FSCN1: variants seen among roughly 807,000 people sequenced by gnomAD.
FSCN1 encodes the protein fascin actin-bundling protein 1, also known as fascin.
A neutral mutation model predicts 39.7 loss-of-function variants in FSCN1; 10 were observed. That is an observed-to-expected ratio of 0.25 (90% CI 0.16 to 0.43). The LOEUF is 0.43. FSCN1 is among the 20% of genes least tolerant of loss of function. The pLI is 1.00. For missense variants in FSCN1, 525 were observed against 723.8 expected (o/e 0.73, Z 3.15); for synonymous variants, 322 against 320.0 (o/e 1.01, Z -0.07).
At chr7:5,595,071 G>C (rs1339546879) in intron 1 of FSCN1, among the ~76,000 whole-genome samples, 4 of 152,202 alleles carry the variant, frequency 2.6e-5, no homozygotes. Flanking sequence ...TTTTTCCCTG[G>C]ATAGGAAGTC....
chr7:5,593,871 G>T (rs1785678760), intron 1 of FSCN1, 103 bp downstream of exon 1: 2 of 829,330 alleles, frequency 2.4e-6, no homozygotes, highest in Admixed American at 2.9e-5. Flanking sequence ...GCGCCGCTGC[G>T]GTCCGGAGCA....
In FSCN1 at chr7:5,599,641, C is replaced by T. The variant is rs998896592; in HGVS notation, c.833-3616C>T. On this transcript the variant is annotated intron_variant, in intron 1 of 4. Coordinates refer to ENST00000382361, the MANE Select transcript of FSCN1 (RefSeq NM_003088.4). The surrounding 1 kb of genome is among the most constrained non-coding windows in gnomAD (Gnocchi z 5.6). Reference sequence around the variant, plus strand: ...CATAGCGAGACCACCCCCATCTCTACAAAATAATGTTAAAGTTAGCCAGGT... The same window carrying T: ...CATAGCGAGACCACCCCCATCTCTATAAAATAATGTTAAAGTTAGCCAGGT... Among the ~76,000 whole-genome samples the T allele has an allele frequency of 6.6e-6, 1 of 151,982 alleles. No individual in the cohort carries two copies. Among genetic ancestry groups the T allele is most frequent in the Non-Finnish European group, 1.5e-5 (1 of 68,000 alleles).
At chr7:5,594,023 C>T in intron 1 of FSCN1, 1 of 513,828 alleles carries the variant, frequency 1.9e-6, no homozygotes, top group South Asian at 2.5e-5. Flanking sequence ...CGCGGAGTCG[C>T]AACCGTACGT....
rs1488962562 is a variant in FSCN1, at chr7:5,593,483, G to T, written c.547G>T (p.Asp183Tyr). 1 of 1,611,276 alleles carries T rather than the reference G, an allele frequency of 6.2e-7. No homozygotes were observed. The highest frequency in any genetic ancestry group is 1.7e-5 in the Admixed American group (1 of 59,970). The change falls in exon 1 of 5, where the codon GAC becomes TAC. Residue 183 changes from aspartate to tyrosine, a missense_variant. Transcript: ENST00000382361. Reference protein sequence around the residue: ...VDSLITLAFQDQRYSVQTADH... With the variant: ...VDSLITLAFQYQRYSVQTADH... Reference sequence around the variant, plus strand: ...CTCGCTCATCACCCTCGCCTTCCAGGACCAGCGCTACAGCGTGCAGACCGC... The same window carrying T: ...CTCGCTCATCACCCTCGCCTTCCAGTACCAGCGCTACAGCGTGCAGACCGC...
chr7:5,605,227 G>A lies in FSCN1; in HGVS notation c.1280-45G>A. ...ACCCTCCGCTGCCCAGGGTAGGGGTGGGGAGCCAGGCTTTGGGCCCCACTT... is the reference window on the plus strand; with the variant it reads ...ACCCTCCGCTGCCCAGGGTAGGGGTAGGGAGCCAGGCTTTGGGCCCCACTT... On this transcript the variant is annotated intron_variant, in intron 4 of 4. Coordinates refer to ENST00000382361, the MANE Select transcript of FSCN1 (RefSeq NM_003088.4). The surrounding 1 kb of genome is among the most constrained non-coding windows in gnomAD (Gnocchi z 6.9). 3.4e-6 allele frequency: 5 copies of A among 1,464,984 alleles called. No homozygotes were observed. The highest frequency in any genetic ancestry group is 4.8e-6 in the Non-Finnish European group (5 of 1,048,166). The allele number at this position is 1,464,984 out of a possible 1,614,324, so 90.7% of individuals were successfully genotyped here.
intron 4 of FSCN1, among the ~76,000 whole-genome samples, chr7:5,604,285 G>A (rs1785891314): frequency 6.6e-6 from 1 of 151,608 alleles, no homozygotes; most frequent in African/African-American, 2.4e-5. Context: ...AGAGCAGGGA[G>A]GGGAAGGAGA....
At chr7:5,601,197 C>CTTTTTTTT (rs534109521) in intron 1 of FSCN1, among the ~76,000 whole-genome samples, 7 of 115,552 alleles carry the variant, frequency 6.1e-5, no homozygotes, top group South Asian at 2.7e-4. Context: ...TTCTTTCTTC[C>CTTTTTTTT]TTTTTTTTTT....
rs1250452728 is a variant in FSCN1 at position 5,603,056 on chromosome 7, C to T, written c.833-201C>T. ...GAAAGTCATGTGGGAACAGATGTAGCTTGCCTTGGCCTCTGACCGGCCCTG... is the reference window on the plus strand; with the variant it reads ...GAAAGTCATGTGGGAACAGATGTAGTTTGCCTTGGCCTCTGACCGGCCCTG... On this transcript the variant is annotated intron_variant, in intron 1 of 4. Transcript: ENST00000382361. The surrounding 1 kb of genome is among the most constrained non-coding windows in gnomAD (Gnocchi z 8.5). 3.3e-6 allele frequency: 2 copies of T among 607,274 alleles called. No homozygotes were observed. Among genetic ancestry groups the T allele is most frequent in the African/African-American group, 3.7e-5 (2 of 54,198 alleles). 37.6% of individuals were successfully genotyped at this position (607,274 alleles called of 1,614,324 possible). A position where few individuals can be genotyped will look rare whatever the true frequency, so the allele number is the denominator to read the frequency against.
At chr7:5,597,762 G>A (rs1465443944) in intron 1 of FSCN1, among the ~76,000 whole-genome samples, 59 of 144,490 alleles carry the variant, frequency 4.1e-4, no homozygotes, top group Non-Finnish European at 7.6e-4. Context: ...AAAAAAAAAA[G>A]AGAGGATGGC....
intron 4 of FSCN1, 70 bp downstream of exon 4, chr7:5,604,100 A>C (rs1785885604): frequency 2.1e-6 from 3 of 1,449,610 alleles, no homozygotes. Flanking sequence ...TGCTGCGGGG[A>C]GCGCCCTCTG....
chr7:5,601,242 G>T (rs748797846), intron 1 of FSCN1, among the ~76,000 whole-genome samples: 4 of 122,962 alleles, frequency 3.3e-5, no homozygotes, highest in Non-Finnish European at 4.7e-5. Context: ...TTGCTCTGTC[G>T]CCCAGGCTGG....
Position 5,600,876 on chromosome 7 carries a change from G to C in FSCN1, c.833-2381G>C, listed in dbSNP as rs367950341. Among the ~76,000 whole-genome samples the C allele has an allele frequency of 8.6e-5, 13 of 151,068 alleles. 1 individual carries two copies. In the East Asian group the frequency reaches 2.3e-3, roughly 27 times the overall value. ...GGTTTCACCGTGTTAGGATGATCTC[G>C]ATCTCCTGACCTCGTGATCCGCCTG... On this transcript the variant is annotated intron_variant, in intron 1 of 4. Coordinates refer to ENST00000382361, the MANE Select transcript of FSCN1 (RefSeq NM_003088.4).
intron 1 of FSCN1, among the ~76,000 whole-genome samples, chr7:5,601,569 G>C (rs1039870203): frequency 1.3e-5 from 2 of 152,280 alleles, no homozygotes; most frequent in African/African-American, 4.8e-5. Flanking sequence ...GGCACATGGT[G>C]GCTTGTGTCT....
chr7:5,594,148 C>T, intron 1 of FSCN1: 1 of 214,494 alleles, frequency 4.7e-6, no homozygotes, highest in Non-Finnish European at 9.2e-6. Context: ...TTTCCTCGTG[C>T]CCCTCCCCCC....
At chr7:5,601,411 A>C (rs1204069685) in intron 1 of FSCN1, among the ~76,000 whole-genome samples, 7 of 150,900 alleles carry the variant, frequency 4.6e-5, no homozygotes, top group Admixed American at 1.3e-4. Flanking sequence ...CCATGTTGGC[A>C]AGGCTGGTCT....
chr7:5,598,464 C>G (rs1239994663), intron 1 of FSCN1, among the ~76,000 whole-genome samples: 1 of 152,230 alleles, frequency 6.6e-6, no homozygotes, highest in Non-Finnish European at 1.5e-5. Flanking sequence ...CACGTGGCCC[C>G]GTGGCTGCCG....
In FSCN1 at chr7:5,605,324, C is replaced by T. The variant is rs750457753; in HGVS notation, c.1332C>T (p.Ser444=). Reference sequence around the variant, plus strand: ...GCAGTGACTCCGCGGTCACCAGCAGCGGCGACACTCCTGTGGACTTCTTCT... The same window carrying T: ...GCAGTGACTCCGCGGTCACCAGCAGTGGCGACACTCCTGTGGACTTCTTCT... ...TVGSDSAVTS[S]GDTPVDFFFE... The change falls in exon 5 of 5, where the codon AGC becomes AGT. Residue 444 remains serine (S), a synonymous_variant. Coordinates refer to ENST00000382361, the MANE Select transcript of FSCN1 (RefSeq NM_003088.4). The surrounding 1 kb of genome is among the most constrained non-coding windows in gnomAD (Gnocchi z 6.9). 20 of 1,613,700 alleles carry T rather than the reference C, an allele frequency of 1.2e-5. No individual in the cohort carries two copies. Among genetic ancestry groups the T allele is most frequent in the South Asian group, 4.4e-5 (4 of 91,068 alleles).
chr7:5,602,776 C>T (rs370866145), intron 1 of FSCN1: 19 of 179,462 alleles, frequency 1.1e-4, no homozygotes, highest in African/African-American at 3.8e-4. Flanking sequence ...CGGCTCACTG[C>T]AGCCTCAGCC....
Position 5,605,243 on chromosome 7 carries a change from G to A in FSCN1, c.1280-29G>A. 1 of 1,568,734 alleles carries A rather than the reference G, an allele frequency of 6.4e-7. No individual in the cohort carries two copies. The highest frequency in any genetic ancestry group is 8.8e-7 in the Non-Finnish European group (1 of 1,140,296). ...GGTAGGGGTGGGGAGCCAGGCTTTG[G>A]GCCCCACTTGATAAAGTCCCCTCCC... On this transcript the variant is annotated intron_variant, in intron 4 of 4. Coordinates refer to ENST00000382361, the MANE Select transcript of FSCN1 (RefSeq NM_003088.4). The surrounding 1 kb of genome is among the most constrained non-coding windows in gnomAD (Gnocchi z 6.9).
Sources: allele counts gnomAD v4.1 joint callset (sites outside exome capture counted in the v4.1 genomes callset), GRCh38; gene constraint gnomAD v4.1.1; non-coding constraint Gnocchi (gnomAD v3.1); transcripts MANE v1.5; gene names NCBI Gene and HGNC (gene_info 2026-07-23, HGNC 2026-07-21).